Variants in IDE observed in about 807,000 individuals in gnomAD.
IDE encodes the protein insulin degrading enzyme.
IDE carries 58 observed loss-of-function variants against 133.2 expected under a neutral mutation model. The observed-to-expected ratio is 0.44, with a 90% confidence interval of 0.35 to 0.54. The LOEUF is 0.54. Among genes scored for constraint, IDE ranks in the 20% least tolerant of loss-of-function variants. IDE has a pLI of 0.00. For missense variants in IDE, 981 were observed against 1,234.0 expected, an observed-to-expected ratio of 0.79 and a Z score of 3.07; for synonymous variants, 396 against 421.3, an observed-to-expected ratio of 0.94 and a Z score of 0.73.
chr10:92,542,351 C>T (rs1564665446), intron 1 of IDE, among the ~76,000 whole-genome samples: 2 of 152,230 alleles, frequency 1.3e-5, no homozygotes, highest in Admixed American at 6.5e-5. Context: ...GACAGGGTTT[C>T]GCCATGCTGG....
chr10:92,483,190 G>T, intron 14 of IDE, 65 bp downstream of exon 14: 1 of 789,854 alleles, frequency 1.3e-6, no homozygotes, highest in South Asian at 1.5e-5. Context: ...AAGAAGAACA[G>T]ACAACTCCTG....
intron 4 of IDE, among the ~76,000 whole-genome samples, chr10:92,516,309 C>T (rs531610951): frequency 5.9e-4 from 90 of 151,956 alleles, no homozygotes; most frequent in African/African-American, 2.0e-3. Context: ...GCCTGGCCAA[C>T]GTGGTGAAAA....
intron 3 of IDE, among the ~76,000 whole-genome samples, chr10:92,533,738 C>T (rs1407847877): frequency 6.9e-6 from 1 of 144,572 alleles, no homozygotes; most frequent in East Asian, 2.1e-4. Flanking sequence ...AAAAAGCTGA[C>T]CAAGGCTGGG....
Position 92,517,298 on chromosome 10 carries a change from A to G in IDE, c.662-2256T>C, listed in dbSNP as rs555177670. 3.3e-5 allele frequency among the ~76,000 whole-genome samples: 5 copies of G among 152,358 alleles called. No individual in the cohort carries two copies. In the South Asian group the frequency reaches 1.0e-3, roughly 32 times the overall value. Reference sequence around the variant, plus strand: ...ATCCAGTGAAGACAGAATGTGCAAGAAACAGCCTAGCAAGTAACCTTAACC... The same window carrying G: ...ATCCAGTGAAGACAGAATGTGCAAGGAACAGCCTAGCAAGTAACCTTAACC... On this transcript the variant is annotated intron_variant, in intron 4 of 24. Transcript: ENST00000265986.
chr10:92,512,787 T>C (rs1022512871), intron 5 of IDE, among the ~76,000 whole-genome samples: 1 of 152,138 alleles, frequency 6.6e-6, no homozygotes, highest in Admixed American at 6.5e-5. Flanking sequence ...CATTTGCCAA[T>C]AGCAGAAAAC....
chr10:92,487,269 T>C lies in IDE; in HGVS notation c.1583A>G (p.Asn528Ser), dbSNP rs777511260. ...LNGKFKLPTK[N>S]EFIPTNFEIL... ...CTCAAAATTCGTAGGAATAAATTCATTCTTTGTAGGAAGTTTAAATTTCCC... is the reference window on the plus strand; with the variant it reads ...CTCAAAATTCGTAGGAATAAATTCACTCTTTGTAGGAAGTTTAAATTTCCC... The change falls in exon 13 of 25, where the codon AAT becomes AGT. Residue 528 changes from asparagine (N) to serine (S), a missense_variant. Around this residue, in one of 2 missense-constraint regions of IDE, gnomAD observed 660 missense variants for 894.7 expected, o/e 0.74. Transcript: ENST00000265986. The C allele has an allele frequency of 1.7e-5, 27 of 1,613,080 alleles. No homozygotes were observed. The highest frequency in any genetic ancestry group is 2.1e-5 in the Non-Finnish European group (25 of 1,179,288).
chr10:92,454,593 G>A, intron 24 of IDE, 54 bp from the exon 25 acceptor site: 1 of 1,319,710 alleles, frequency 7.6e-7, no homozygotes, highest in South Asian at 1.2e-5. Flanking sequence ...TCAGAATAAG[G>A]ACATCAACTT....
Position 92,508,715 on chromosome 10 carries a change from C to G in IDE, c.1060+13G>C. Reference sequence around the variant, plus strand: ...GTGGTGGACACTCAGAAGATGCTGCCCAGGAGACTTACCCTTTGACTTAAG... The same window carrying G: ...GTGGTGGACACTCAGAAGATGCTGCGCAGGAGACTTACCCTTTGACTTAAG... On this transcript the variant is annotated intron_variant, in intron 7 of 24. Transcript: ENST00000265986. The G allele has an allele frequency of 6.2e-7, 1 of 1,612,730 alleles. No homozygotes were observed. Among genetic ancestry groups the G allele is most frequent in the African/African-American group, 1.3e-5 (1 of 74,944 alleles).
At chr10:92,474,584 CAT>C (rs1199903152) in intron 17 of IDE, 3 of 328,418 alleles carry the variant, frequency 9.1e-6, no homozygotes, top group African/African-American at 6.4e-5. Context: ...GGGTACTAAG[CAT>C]ATCCATCATC....
At chr10:92,488,771 TG>T (rs869168521) in intron 12 of IDE, among the ~76,000 whole-genome samples, 3 of 148,134 alleles carry the variant, frequency 2.0e-5, no homozygotes, top group African/African-American at 7.6e-5. Flanking sequence ...TACGAGACTC[TG>T]TCTAAAAAAA....
In IDE at chr10:92,510,038, T is replaced by G. The variant is rs1253591479; in HGVS notation, c.897+12A>C. Reference sequence around the variant, plus strand: ...AATTAAGAAGACAAAATACCAAAATTTATGCACTTACTTTAAGATGTTCTT... The same window carrying G: ...AATTAAGAAGACAAAATACCAAAATGTATGCACTTACTTTAAGATGTTCTT... On this transcript the variant is annotated intron_variant, in intron 6 of 24. Coordinates refer to ENST00000265986, the MANE Select transcript of IDE (RefSeq NM_004969.4). 1 of 1,383,622 alleles carries G rather than the reference T, an allele frequency of 7.2e-7. No individual in the cohort carries two copies. Among genetic ancestry groups the G allele is most frequent in the African/African-American group, 1.4e-5 (1 of 69,912 alleles). The allele number at this position is 1,383,622 out of a possible 1,614,324, so 85.7% of individuals were successfully genotyped here. A position where few individuals can be genotyped will look rare whatever the true frequency, so the allele number is the denominator to read the frequency against.
At chr10:92,466,298 C>A (rs1333562064) in intron 19 of IDE, among the ~76,000 whole-genome samples, 1 of 151,154 alleles carries the variant, frequency 6.6e-6, no homozygotes, top group Non-Finnish European at 1.5e-5. Context: ...CCCTCACCCA[C>A]CTCACATCCT....
At chr10:92,465,085 C>G (rs560629940) in intron 20 of IDE, among the ~76,000 whole-genome samples, 1 of 152,332 alleles carries the variant, frequency 6.6e-6, no homozygotes, top group Admixed American at 6.5e-5. Context: ...TCCAGAGCAT[C>G]CATTTTCCAT....
intron 3 of IDE, among the ~76,000 whole-genome samples, chr10:92,534,038 A>T (rs890311590): frequency 2.6e-4 from 39 of 150,528 alleles, no homozygotes; most frequent in African/African-American, 7.3e-5. Context: ...AAAAAAAAAA[A>T]TTGACCAAGA....
intron 2 of IDE, among the ~76,000 whole-genome samples, chr10:92,536,984 G>A (rs1288967901): frequency 6.6e-6 from 1 of 151,236 alleles, no homozygotes; most frequent in African/African-American, 2.4e-5. Context: ...GTTGCAGTGA[G>A]CCGAGATTGC....
rs1203278073 is a variant in IDE at position 92,506,481 on chromosome 10, C to T, written c.1287G>A (p.Arg429=). Residue 429 remains arginine, a synonymous_variant, in exon 10 of 25, where the codon AGG becomes AGA. Coordinates refer to ENST00000265986, the MANE Select transcript of IDE (RefSeq NM_004969.4). ...AVAFRFKDKE[R]PRGYTSKIAG... Reference sequence around the variant, plus strand: ...CAATCTTAGATGTATAGCCCCGTGGCCTCTCTTTGTCTTTAAACCTAAAAG... The same window carrying T: ...CAATCTTAGATGTATAGCCCCGTGGTCTCTCTTTGTCTTTAAACCTAAAAG... 5.6e-6 allele frequency: 9 copies of T among 1,598,054 alleles called. No individual in the cohort carries two copies. Among genetic ancestry groups the T allele is most frequent in the East Asian group, 2.2e-5 (1 of 44,568 alleles).
At chr10:92,547,201 G>A (rs143984606) in intron 1 of IDE, among the ~76,000 whole-genome samples, 12 of 151,780 alleles carry the variant, frequency 7.9e-5, no homozygotes, top group East Asian at 7.7e-4. Context: ...AGCCTCCTGC[G>A]CAGCTGGGAC....
chr10:92,507,396 A>G lies in IDE; in HGVS notation c.1245+179T>C, dbSNP rs186109399. Reference sequence around the variant, plus strand: ...CTTTCCCCTTAGTTGTGCCCCAAGTAGCAAATCAGACTAGTACAACTAAGC... The same window carrying G: ...CTTTCCCCTTAGTTGTGCCCCAAGTGGCAAATCAGACTAGTACAACTAAGC... On this transcript the variant is annotated intron_variant, in intron 9 of 24. Coordinates refer to ENST00000265986, the MANE Select transcript of IDE (RefSeq NM_004969.4). 5.3e-5 allele frequency among the ~76,000 whole-genome samples: 8 copies of G among 152,318 alleles called. No individual in the cohort carries two copies. The East Asian group carries it at 1.2e-3, about 22-fold the overall frequency.
intron 1 of IDE, among the ~76,000 whole-genome samples, chr10:92,544,440 T>C (rs1037198744): frequency 6.6e-6 from 1 of 151,944 alleles, no homozygotes; most frequent in Non-Finnish European, 1.5e-5. Flanking sequence ...TACTAAAGTA[T>C]AACCAAAAAG....
Sources: allele counts gnomAD v4.1 joint callset (sites outside exome capture counted in the v4.1 genomes callset), GRCh38; gene constraint gnomAD v4.1.1; regional missense constraint gnomAD v4.1.1; transcripts MANE v1.5; gene names NCBI Gene and HGNC (gene_info 2026-07-23, HGNC 2026-07-21).